ZNF687: variants seen among roughly 807,000 people sequenced by gnomAD.
ZNF687 encodes the protein zinc finger protein 687.
In ZNF687, 13 loss-of-function variants were observed where a neutral mutation model predicts 71.8. The ratio of observed to expected loss-of-function variants is 0.18; its 90% CI spans 0.12 to 0.29. ZNF687 has a LOEUF of 0.29. Ranked by LOEUF, ZNF687 falls within the 10% of genes least tolerant of loss-of-function variation. ZNF687 has a pLI of 1.00. For missense variants in ZNF687, 1,412 were observed against 1,625.6 expected (o/e 0.87, Z 2.26); for synonymous variants, 673 against 641.6 (o/e 1.05, Z -0.74).
rs370066362 is a variant in ZNF687 at position 151,290,478 on chromosome 1, G to A, written c.3124G>A (p.Glu1042Lys). Residue 1042 changes from glutamate (E) to lysine (K), a missense_variant, in exon 8 of 9, where the codon GAG becomes AAG. Physicochemically the swap from Glu to Lys is moderately conservative, Grantham distance 56 (BLOSUM62 1). Around this residue, in one of 8 missense-constraint regions of ZNF687, gnomAD observed 284 missense variants for 359.2 expected, o/e 0.79. Transcript: ENST00000336715. ...KRTFSSRLILEKHVQVRHGLQ... is the reference protein window; with the variant it reads ...KRTFSSRLILKKHVQVRHGLQ... ...CACCTTCAGCAGCCGCCTGATCCTA[G>A]AGAAACATGTCCAGGTCCGGCACGG... 1.9e-6 allele frequency: 3 copies of A among 1,613,870 alleles called. No homozygotes were observed. Among genetic ancestry groups the A allele is most frequent in the Non-Finnish European group, 1.7e-6 (2 of 1,180,022 alleles).
upstream of ZNF687, chr1:151,282,278 G>T: frequency 9.9e-7 from 1 of 1,006,786 alleles, no homozygotes; most frequent in Non-Finnish European, 1.2e-6. Context: ...AGGGAGTGGG[G>T]AGGCCGAACC....
chr1:151,290,589 G>C lies in ZNF687; in HGVS notation c.3219+16G>C, dbSNP rs1694187499. 7 of 1,609,456 alleles carry C rather than the reference G, an allele frequency of 4.3e-6. No homozygotes were observed. The highest frequency in any genetic ancestry group is 5.9e-6 in the Non-Finnish European group (7 of 1,177,868). On this transcript the variant is annotated intron_variant, in intron 8 of 8. Transcript: ENST00000336715. The stretch of plus-strand genomic sequence containing the variant: ...CAGAGCCCAGGTAGGCAGAGGCCCG[G>C]CCTGCTGTGCTAGGGCTTTGAGTGG...
At position 151,288,256 on chromosome 1, in the gene ZNF687, G is replaced by T. The variant is rs1571099450; in HGVS notation, c.1965G>T (p.Leu655=). ...CAGTTGCTGCTGAGGCCCCTGTCCT[G>T]CCGCTCTCCACAGAGCCGCCTGCTG... ...ITTVAAEAPV[L]PLSTEPPAAP... Residue 655 remains leucine, a synonymous_variant, in exon 2 of 9, where the codon CTG becomes CTT. Transcript: ENST00000336715. 1 of 1,613,670 alleles carries T rather than the reference G, an allele frequency of 6.2e-7. No individual in the cohort carries two copies. Among genetic ancestry groups the T allele is most frequent in the Non-Finnish European group, 8.5e-7 (1 of 1,179,994 alleles).
In ZNF687 at chr1:151,290,147, TGTGTGAGCG is replaced by T. The variant is rs749900950; in HGVS notation, c.2991_2999del (p.Cys998_Arg1000del). ...TCAGTGAAAAAGTTCCCCTGTCGCC[TGTGTGAGCG>T]CTCCTTCTGCTCCGCCCCCAGCCTG... On this transcript the variant is annotated inframe_deletion, in exon 7 of 9. Coordinates refer to ENST00000336715, the MANE Select transcript of ZNF687 (RefSeq NM_020832.3). 6.2e-7 allele frequency: 1 copy of T among 1,614,028 alleles called. No individual in the cohort carries two copies. The highest frequency in any genetic ancestry group is 2.2e-5 in the East Asian group (1 of 44,872).
rs775278190 is a variant in ZNF687, at chr1:151,289,358, C to T, written c.2472-20C>T. 2 of 1,613,990 alleles carry T rather than the reference C, an allele frequency of 1.2e-6. No individual in the cohort carries two copies. Among genetic ancestry groups the T allele is most frequent in the Admixed American group, 1.7e-5 (1 of 60,014 alleles). The stretch of plus-strand genomic sequence containing the variant: ...GGCTGCACCCAACCCTGCCTGATGT[C>T]TGCACTGTCCTCACTTCAGGCTGAT... On this transcript the variant is annotated intron_variant, in intron 4 of 8. Transcript: ENST00000336715.
chr1:151,291,738 C>T lies in ZNF687; in HGVS notation c.*529C>T, dbSNP rs1286379228. 4.9e-5 allele frequency: 7 copies of T among 141,786 alleles called. No individual in the cohort carries two copies. Among genetic ancestry groups the T allele is most frequent in the East Asian group, 2.4e-4 (1 of 4,146 alleles). 8.8% of individuals were successfully genotyped at this position (141,786 alleles called of 1,614,324 possible). A position where few individuals can be genotyped will look rare whatever the true frequency, so the allele number is the denominator to read the frequency against. On this transcript the variant is annotated 3_prime_UTR_variant, in exon 9 of 9. Coordinates refer to ENST00000336715, the MANE Select transcript of ZNF687 (RefSeq NM_020832.3). ...TCTTTTTTTCCCCAGAAATCCGGGG[C>T]GGGGGGGTGGGGGGTTGGTAGGGAT...
rs773644815 is a variant in ZNF687 at position 151,288,132 on chromosome 1, C to T, written c.1841C>T (p.Thr614Ile). 1.2e-6 allele frequency: 2 copies of T among 1,613,902 alleles called. No homozygotes were observed. The highest frequency in any genetic ancestry group is 1.7e-5 in the Admixed American group (1 of 60,036). The part of the protein sequence containing the change: ...LDQMVGQPDI[T>I]PLLPVAVPPV... ...CAGATGGTGGGGCAGCCGGACATCA[C>T]ACCGCTGCTGCCTGTAGCTGTCCCA... The change falls in exon 2 of 9, where the codon ACA (threonine) becomes ATA (isoleucine). Residue 614 changes from threonine to isoleucine, a missense_variant. Transcript: ENST00000336715.
intron 8 of ZNF687, 62 bp downstream of exon 8, chr1:151,290,635 A>C (rs1454119412): frequency 6.3e-7 from 1 of 1,584,918 alleles, no homozygotes; most frequent in African/African-American, 1.3e-5. Flanking sequence ...GGCAGAGACC[A>C]TGGCCTCAGG....
rs1015564330 is a variant in ZNF687 at position 151,291,540 on chromosome 1, A to G, written c.*331A>G. The G allele has an allele frequency of 3.5e-4, 87 of 247,020 alleles. No individual in the cohort carries two copies. Among genetic ancestry groups the G allele is most frequent in the Non-Finnish European group, 5.6e-4 (71 of 126,706 alleles). 15.3% of individuals were successfully genotyped at this position (247,020 alleles called of 1,614,324 possible). ...TATGCCTGCTAGACAGGTTCAGGGA[A>G]GGACTGATGGGGGTGTCATGGATGG... On this transcript the variant is annotated 3_prime_UTR_variant, in exon 9 of 9. Coordinates refer to ENST00000336715, the MANE Select transcript of ZNF687 (RefSeq NM_020832.3).
Position 151,286,825 on chromosome 1 carries a change from T to TCCCTCTGCA in ZNF687, c.541_549dup (p.Ala181_Ser183dup). 1 of 1,614,116 alleles carries TCCCTCTGCA rather than the reference T, an allele frequency of 6.2e-7. No individual in the cohort carries two copies. The highest frequency in any genetic ancestry group is 8.5e-7 in the Non-Finnish European group (1 of 1,180,016). On this transcript the variant is annotated inframe_insertion, in exon 2 of 9. Coordinates refer to ENST00000336715, the MANE Select transcript of ZNF687 (RefSeq NM_020832.3). ...CAGGGGACCACTCAGATCCGCTGCC[T>TCCCTCTGCA]CCCTCTGCACCCTCTCCCACTCGGG... is the stretch of plus-strand genomic sequence containing the variant.
intron 1 of ZNF687, among the ~76,000 whole-genome samples, chr1:151,282,867 C>A (rs587759296): frequency 6.6e-6 from 1 of 152,264 alleles, no homozygotes; most frequent in Admixed American, 6.5e-5. Context: ...CAGTCTCTAG[C>A]GAGCCTCCGG....
In ZNF687 at chr1:151,287,078, T is replaced by C. The variant is rs1052483702; in HGVS notation, c.787T>C (p.Phe263Leu). The C allele has an allele frequency of 1.9e-6, 3 of 1,613,634 alleles. No homozygotes were observed. The highest frequency in any genetic ancestry group is 2.5e-6 in the Non-Finnish European group (3 of 1,179,620). ...TCCCCCAGTTGCTGGGGTGCCCTTC[T>C]TCAAGCAGTCTCCAGGGCACCAGAG... ...SPPPVAGVPF[F>L]KQSPGHQSPL... The change falls in exon 2 of 9, where the codon TTC becomes CTC. Residue 263 changes from phenylalanine (F) to leucine (L), a missense_variant. By Grantham distance (22) the Phe-to-Leu change is conservative (BLOSUM62 0). Transcript: ENST00000336715. The surrounding 1 kb of genome is among the most constrained non-coding windows in gnomAD (Gnocchi z 5.0).
rs767630715 is a variant in ZNF687, at chr1:151,288,154, C to T, written c.1863C>T (p.Val621=). The T allele has an allele frequency of 5.0e-5, 80 of 1,613,776 alleles. No homozygotes were observed. The highest frequency in any genetic ancestry group is 6.5e-5 in the Non-Finnish European group (77 of 1,179,988). The part of the protein sequence containing the change: ...PDITPLLPVA[V]PPVSGPLALP... ...TCACACCGCTGCTGCCTGTAGCTGT[C>T]CCACCTGTCTCTGGACCTCTGGCCT... Residue 621 remains valine (V), a synonymous_variant, in exon 2 of 9, where the codon GTC becomes GTT. Coordinates refer to ENST00000336715, the MANE Select transcript of ZNF687 (RefSeq NM_020832.3).
chr1:151,283,186 A>G, intron 1 of ZNF687: 1 of 985,340 alleles, frequency 1.0e-6, no homozygotes, highest in Non-Finnish European at 1.2e-6. Context: ...CTCGAAACCC[A>G]GGACTTGCTC....
At position 151,289,187 on chromosome 1, in the gene ZNF687, T is replaced by G. The variant is rs587673166; in HGVS notation, c.2387T>G (p.Ile796Ser). Residue 796 changes from isoleucine to serine, a missense_variant, in exon 4 of 9, where the codon ATC (isoleucine) becomes AGC (serine). Physicochemically the swap from Ile to Ser is moderately radical, Grantham distance 142. Coordinates refer to ENST00000336715, the MANE Select transcript of ZNF687 (RefSeq NM_020832.3). ...TGCGAGGTTTTCCACAAGTGCCCCA[T>G]CTGCCCCATGGCCTTCAAGTCTGGG... Reference protein sequence around the residue: ...SHCEVFHKCPICPMAFKSGPS... With the variant: ...SHCEVFHKCPSCPMAFKSGPS... 1 of 1,614,174 alleles carries G rather than the reference T, an allele frequency of 6.2e-7. No individual in the cohort carries two copies. The highest frequency in any genetic ancestry group is 1.3e-5 in the African/African-American group (1 of 75,058).
chr1:151,283,200 G>A (rs1260865855), intron 1 of ZNF687: 108 of 985,282 alleles, frequency 1.1e-4, no homozygotes, highest in Non-Finnish European at 1.2e-4. Flanking sequence ...CTTGCTCCCC[G>A]CGCCAGCCCT....
chr1:151,288,488 A>G (rs2101877477), intron 2 of ZNF687, 40 bp from the exon 3 acceptor site: 1 of 1,580,658 alleles, frequency 6.3e-7, no homozygotes, highest in East Asian at 2.2e-5. Context: ...TGGAGACAGG[A>G]CACTCCTCAC....
chr1:151,284,200 A>G, intron 1 of ZNF687: 1 of 985,440 alleles, frequency 1.0e-6, no homozygotes, highest in Non-Finnish European at 1.2e-6. Flanking sequence ...CTTGGAGCAG[A>G]AATGATGGGT....
rs199499467 is a variant in ZNF687 at position 151,290,762 on chromosome 1, G to C, written c.3267G>C (p.Glu1089Asp). The C allele has an allele frequency of 2.4e-5, 38 of 1,613,216 alleles. No homozygotes were observed. The East Asian group carries it at 8.0e-4, about 34-fold the overall frequency. ...RRQSSDSCSE[E>D]PDSTTPPAKS... ...AGTCTTCTGACTCTTGCAGTGAGGA[G>C]CCTGACAGCACGACACCGCCAGCCA... Residue 1089 changes from glutamate to aspartate, a missense_variant, in exon 9 of 9, where the codon GAG becomes GAC. By Grantham distance (45) the Glu-to-Asp change is conservative. Transcript: ENST00000336715.
Sources: allele counts gnomAD v4.1 joint callset (sites outside exome capture counted in the v4.1 genomes callset), GRCh38; gene constraint gnomAD v4.1.1; regional missense constraint gnomAD v4.1.1; non-coding constraint Gnocchi (gnomAD v3.1); transcripts MANE v1.5; gene names NCBI Gene and HGNC (gene_info 2026-07-23, HGNC 2026-07-21).